MYO3A: variants seen among roughly 807,000 people sequenced by gnomAD.
MYO3A encodes myosin IIIA.
In MYO3A, 180 loss-of-function variants were observed where a neutral mutation model predicts 192.7. The ratio of observed to expected loss-of-function variants is 0.93; its 90% CI spans 0.83 to 1.06. The LOEUF (loss-of-function observed/expected upper bound fraction) is 1.06. Among genes scored for constraint, MYO3A ranks in the 50% least tolerant of loss-of-function variants. The probability of loss-of-function intolerance (pLI) is 0.00; values close to 1 mark genes in which losing one functional copy is unlikely to be tolerated. For synonymous variants in MYO3A, 628 were observed against 645.3 expected (o/e 0.97, Z 0.41); for missense variants, 1,896 against 1,905.0 (o/e 1.00, Z 0.09).
At chr10:26,031,206 C>T (rs1003851342) in intron 10 of MYO3A, among the ~76,000 whole-genome samples, 2 of 152,146 alleles carry the variant, frequency 1.3e-5, no homozygotes, top group East Asian at 1.9e-4. Flanking sequence ...AGCAGTTTAG[C>T]GGACAACATT....
intron 31 of MYO3A, among the ~76,000 whole-genome samples, chr10:26,179,712 G>A (rs1161229284): frequency 6.6e-6 from 1 of 152,152 alleles, no homozygotes; most frequent in Non-Finnish European, 1.5e-5. Context: ...CTCATTGTAT[G>A]TGATTTGTTT....
At chr10:26,046,021 TAC>T (rs60324797) in intron 10 of MYO3A, among the ~76,000 whole-genome samples, 2 of 152,076 alleles carry the variant, frequency 1.3e-5, no homozygotes, top group Non-Finnish European at 2.9e-5. Context: ...TGCCTTGCCC[TAC>T]ACATCTCTTT....
At position 26,212,276 on chromosome 10, in the gene MYO3A, T is replaced by G. The variant is rs534179202; in HGVS notation, c.*313T>G. ...TAATCTATCACTTTGTTCTTTTTTT[T>G]TGTGACTCCTGTGGACTCCACTGCG... On this transcript the variant is annotated 3_prime_UTR_variant, in exon 35 of 35. Coordinates refer to ENST00000642920, the MANE Select transcript of MYO3A (RefSeq NM_017433.5). 83 of 442,784 alleles carry G rather than the reference T, an allele frequency of 1.9e-4. No individual in the cohort carries two copies. Among genetic ancestry groups the G allele is most frequent in the African/African-American group, 4.5e-4 (23 of 50,656 alleles). 27.4% of individuals were successfully genotyped at this position (442,784 alleles called of 1,614,324 possible).
At chr10:25,976,785 G>T (rs1205253063) in intron 4 of MYO3A, among the ~76,000 whole-genome samples, 1 of 151,934 alleles carries the variant, frequency 6.6e-6, no homozygotes, top group Non-Finnish European at 1.5e-5. Context: ...TTATTTTTCA[G>T]TCTACTATTA....
At chr10:26,107,467 G>A (rs1168678881) in intron 17 of MYO3A, among the ~76,000 whole-genome samples, 10 of 140,864 alleles carry the variant, frequency 7.1e-5, no homozygotes, top group Admixed American at 6.4e-4. Context: ...GGCGAAAAGA[G>A]TGAAACACCA....
intron 34 of MYO3A, 94 bp from the exon 35 acceptor site, chr10:26,211,749 G>C (rs1169896604): frequency 1.6e-5 from 25 of 1,573,920 alleles, no homozygotes; most frequent in Non-Finnish European, 2.1e-5. Flanking sequence ...TTGGCAGAAC[G>C]TGGGAGGAAG....
At chr10:25,999,981 G>A (rs756044323) in intron 6 of MYO3A, among the ~76,000 whole-genome samples, 6 of 152,146 alleles carry the variant, frequency 3.9e-5, no homozygotes, top group Non-Finnish European at 8.8e-5. Flanking sequence ...GGCTCCTGCA[G>A]TTATACTTTA....
intron 9 of MYO3A, among the ~76,000 whole-genome samples, chr10:26,024,644 G>C (rs911630498): frequency 1.3e-5 from 2 of 152,152 alleles, no homozygotes; most frequent in Non-Finnish European, 2.9e-5. Flanking sequence ...TTCAGGACCT[G>C]TTATAAGGCA....
rs1228204151 is a variant in MYO3A at position 26,147,575 on chromosome 10, T to C, written c.2635+16T>C. Reference sequence around the variant, plus strand: ...ACCAAAACAGGTAAGACAATTTTCCTTACCTGGAAGTTTTCTGAAGCCCAA... The same window carrying C: ...ACCAAAACAGGTAAGACAATTTTCCCTACCTGGAAGTTTTCTGAAGCCCAA... On this transcript the variant is annotated intron_variant, in intron 23 of 34. Transcript: ENST00000642920. 2 of 1,613,904 alleles carry C rather than the reference T, an allele frequency of 1.2e-6. No homozygotes were observed. The highest frequency in any genetic ancestry group is 4.5e-5 in the East Asian group (2 of 44,852).
At chr10:26,147,809 A>G (rs1840563860) in intron 23 of MYO3A, among the ~76,000 whole-genome samples, 1 of 152,172 alleles carries the variant, frequency 6.6e-6, no homozygotes, top group Non-Finnish European at 1.5e-5. Context: ...TATCCTAGCT[A>G]CTCACTACAA....
chr10:26,075,473 A>C (rs1215002302), intron 14 of MYO3A, among the ~76,000 whole-genome samples: 1 of 150,960 alleles, frequency 6.6e-6, no homozygotes. Context: ...TATCATTCTT[A>C]TGCCTTTGCA....
At chr10:26,036,993 A>T (rs573405597) in intron 10 of MYO3A, among the ~76,000 whole-genome samples, 1 of 152,348 alleles carries the variant, frequency 6.6e-6, no homozygotes, top group South Asian at 2.1e-4. Flanking sequence ...CACACCTGGG[A>T]TAGAGTCCCA....
At chr10:25,992,801 G>A (rs1354340051) in intron 4 of MYO3A, among the ~76,000 whole-genome samples, 1 of 152,134 alleles carries the variant, frequency 6.6e-6, no homozygotes, top group Non-Finnish European at 1.5e-5. Flanking sequence ...TTTATATGCT[G>A]GATTACGTTT....
chr10:26,068,606 G>A (rs759082310), intron 11 of MYO3A, among the ~76,000 whole-genome samples, 162 bp from the exon 12 acceptor site: 2 of 152,296 alleles, frequency 1.3e-5, no homozygotes, highest in Non-Finnish European at 2.9e-5. Context: ...AAGTGAATGA[G>A]TAGTTGCAGA....
chr10:26,158,031 T>C (rs1841251846), intron 26 of MYO3A, among the ~76,000 whole-genome samples: 2 of 152,058 alleles, frequency 1.3e-5, no homozygotes, highest in African/African-American at 4.8e-5. Flanking sequence ...GCCCCAAATC[T>C]CAACAGTGCT....
chr10:25,979,452 T>C (rs1435496727), intron 4 of MYO3A, among the ~76,000 whole-genome samples: 1 of 148,900 alleles, frequency 6.7e-6, no homozygotes, highest in Non-Finnish European at 1.5e-5. Flanking sequence ...CAGAAAAAAG[T>C]TGATAAATTT....
At chr10:26,094,352 A>G (rs184456851) in intron 15 of MYO3A, among the ~76,000 whole-genome samples, 216 of 152,090 alleles carry the variant, frequency 1.4e-3, no homozygotes, top group Non-Finnish European at 2.3e-3. Flanking sequence ...GAGTAAATAC[A>G]TATGGATATA....
chr10:25,953,199 T>C (rs1330822661), intron 3 of MYO3A, among the ~76,000 whole-genome samples: 4 of 152,092 alleles, frequency 2.6e-5, no homozygotes, highest in Admixed American at 6.6e-5. Flanking sequence ...AGGTCCTTGT[T>C]ACACTCATCT....
chr10:26,111,324 A>T (rs759643214), intron 17 of MYO3A, among the ~76,000 whole-genome samples: 1 of 151,882 alleles, frequency 6.6e-6, no homozygotes, highest in Non-Finnish European at 1.5e-5. Flanking sequence ...CTCCAAGGAG[A>T]CTCCACATGC....
Sources: allele counts gnomAD v4.1 joint callset (sites outside exome capture counted in the v4.1 genomes callset), GRCh38; gene constraint gnomAD v4.1.1; transcripts MANE v1.5; gene names NCBI Gene and HGNC (gene_info 2026-07-23, HGNC 2026-07-21).